Variants in GRK4 observed in about 807,000 individuals in gnomAD.
The protein encoded by GRK4 is G protein-coupled receptor kinase 4.
A neutral mutation model predicts 77.9 loss-of-function variants in GRK4; 73 were observed. The ratio of observed to expected loss-of-function variants is 0.94; its 90% CI spans 0.78 to 1.14. The LOEUF is 1.14. GRK4 is among the 50% of genes most tolerant of loss of function. The pLI is 0.00. For missense variants in GRK4, 729 were observed against 700.2 expected (o/e 1.04, Z -0.46); for synonymous variants, 257 against 254.4 (o/e 1.01, Z -0.10).
intron 1 of GRK4, among the ~76,000 whole-genome samples, chr4:2,967,806 C>T (rs377440015): frequency 6.6e-6 from 1 of 150,512 alleles, no homozygotes; most frequent in African/African-American, 2.4e-5. Context: ...TTTTTTGAGG[C>T]GTCGTTTTGC....
chr4:2,987,472 G>A (rs1578069642), intron 2 of GRK4, among the ~76,000 whole-genome samples: 3 of 152,112 alleles, frequency 2.0e-5, no homozygotes, highest in East Asian at 1.9e-4. Flanking sequence ...TGTACAGTTC[G>A]GTGGCATTGA....
chr4:3,025,774 A>C (rs1475315513), intron 10 of GRK4, among the ~76,000 whole-genome samples: 1 of 152,204 alleles, frequency 6.6e-6, no homozygotes, highest in Non-Finnish European at 1.5e-5. Flanking sequence ...GTGTATCGTA[A>C]GATGTCTAGA....
chr4:3,038,763 C>G, intron 15 of GRK4: 1 of 436,494 alleles, frequency 2.3e-6, no homozygotes, highest in African/African-American at 2.0e-5. Flanking sequence ...CATTTACAAA[C>G]AGGTTCCCGT....
chr4:2,994,133 G>A (rs1259128567), intron 4 of GRK4, among the ~76,000 whole-genome samples: 1 of 152,192 alleles, frequency 6.6e-6, no homozygotes, highest in Admixed American at 6.5e-5. Flanking sequence ...GTTACAACAT[G>A]AGCATATTTG....
intron 12 of GRK4, among the ~76,000 whole-genome samples, 186 bp from the exon 13 acceptor site, chr4:3,035,200 G>A (rs565555426): frequency 1.3e-5 from 2 of 151,662 alleles, no homozygotes; most frequent in East Asian, 1.9e-4. Context: ...AGCCGAGATC[G>A]CACCACTGCA....
chr4:3,005,257 G>A (rs780880341), intron 5 of GRK4, among the ~76,000 whole-genome samples: 2 of 151,890 alleles, frequency 1.3e-5, no homozygotes, highest in African/African-American at 2.4e-5. Context: ...CGGAGGAAAC[G>A]GAGGCCCAGG....
At chr4:2,994,980 G>T (rs1727351459) in intron 4 of GRK4, among the ~76,000 whole-genome samples, 1 of 152,068 alleles carries the variant, frequency 6.6e-6, no homozygotes, top group African/African-American at 2.4e-5. Flanking sequence ...TTCCCTCTGT[G>T]TGTCCATGTG....
chr4:2,973,345 C>T (rs1720139679), intron 1 of GRK4, among the ~76,000 whole-genome samples: 2 of 152,220 alleles, frequency 1.3e-5, no homozygotes, highest in Admixed American at 1.3e-4. Flanking sequence ...TCTATCCACA[C>T]TCATTCCCTT....
intron 12 of GRK4, among the ~76,000 whole-genome samples, chr4:3,030,777 C>T (rs555726704): frequency 6.6e-6 from 1 of 152,298 alleles, no homozygotes; most frequent in African/African-American, 2.4e-5. Context: ...AAGCCCAGGC[C>T]ATGCTGAACC....
chr4:3,019,956 G>T, intron 9 of GRK4, 125 bp downstream of exon 9: 2 of 882,442 alleles, frequency 2.3e-6, no homozygotes, highest in Non-Finnish European at 3.5e-6. Flanking sequence ...GGCCCTCGAT[G>T]GTGATTCTTA....
chr4:2,964,261 A>C, intron 1 of GRK4, 139 bp downstream of exon 1: 1 of 780,870 alleles, frequency 1.3e-6, no homozygotes, highest in Non-Finnish European at 2.1e-6. Flanking sequence ...CACTGGGGGA[A>C]CCCAGATCTG....
rs757312217 is a variant in GRK4 at position 3,014,296 on chromosome 4, C to CTCTCTTT, written c.741+469_741+470insCTCTTTT. ...GAGGATACCTTCTCTCTCTCTCTCT[C>CTCTCTTT]TTTTTTTTTTTTTTTTTTGACACAG... On this transcript the variant is annotated intron_variant, in intron 8 of 15. Transcript: ENST00000398052. Among the ~76,000 whole-genome samples, 729 of 118,946 alleles carry CTCTCTTT rather than the reference C, an allele frequency of 6.1e-3. 11 individuals are homozygous for CTCTCTTT. Among genetic ancestry groups the CTCTCTTT allele is most frequent in the African/African-American group, 0.023 (673 of 29,120 alleles). The allele number at this position is 118,946 out of a possible 152,430, so 78.0% of individuals were successfully genotyped here. A position where few individuals can be genotyped will look rare whatever the true frequency, so the allele number is the denominator to read the frequency against.
intron 6 of GRK4, among the ~76,000 whole-genome samples, chr4:3,009,053 G>A (rs1258390650): frequency 6.6e-6 from 1 of 152,094 alleles, no homozygotes; most frequent in Non-Finnish European, 1.5e-5. Context: ...TCCTAGTGTT[G>A]GCTGGTTTCA....
chr4:3,038,230 G>A (rs1027669311), intron 14 of GRK4, 146 bp from the exon 15 acceptor site: 1 of 827,810 alleles, frequency 1.2e-6, no homozygotes. Context: ...CAGGGAAGGA[G>A]GAACCCAGAA....
Position 3,001,089 on chromosome 4 carries a change from A to ATATATATGTGTGTGTG in GRK4, c.340-3141_340-3140insATATATGTGTGTGTGT. On this transcript the variant is annotated intron_variant, in intron 4 of 15. Coordinates refer to ENST00000398052, the MANE Select transcript of GRK4 (RefSeq NM_182982.3). ...TAAATGAGACTATATATATATATAT[A>ATATATATGTGTGTGTG]TGTGTGTGTGTGTGTGTATATATAT... 1.2e-3 allele frequency among the ~76,000 whole-genome samples: 99 copies of ATATATATGTGTGTGTG among 82,432 alleles called. 14 individuals are homozygous for ATATATATGTGTGTGTG. Among genetic ancestry groups the ATATATATGTGTGTGTG allele is most frequent in the African/African-American group, 4.5e-3 (78 of 17,214 alleles). 54.1% of individuals were successfully genotyped at this position (82,432 alleles called of 152,430 possible). A position where few individuals can be genotyped will look rare whatever the true frequency, so the allele number is the denominator to read the frequency against.
intron 1 of GRK4, among the ~76,000 whole-genome samples, chr4:2,983,286 C>T (rs911667326): frequency 7.9e-5 from 12 of 152,188 alleles, no homozygotes; most frequent in African/African-American, 2.7e-4. Context: ...GTGGCTTTTG[C>T]CCTGGTTTCC....
chr4:3,012,589 C>A (rs1338408365), intron 7 of GRK4, among the ~76,000 whole-genome samples: 1 of 152,160 alleles, frequency 6.6e-6, no homozygotes, highest in African/African-American at 2.4e-5. Context: ...GCTTTTAAAG[C>A]AGTCCCCTGT....
intron 1 of GRK4, among the ~76,000 whole-genome samples, chr4:2,982,719 A>G (rs1723180807): frequency 1.3e-5 from 2 of 152,252 alleles, no homozygotes; most frequent in Non-Finnish European, 2.9e-5. Context: ...TAACCCTGAA[A>G]AAAATAACCC....
chr4:2,974,378 A>G (rs1236487617), intron 1 of GRK4, among the ~76,000 whole-genome samples: 18 of 152,236 alleles, frequency 1.2e-4, no homozygotes, highest in Non-Finnish European at 5.9e-5. Flanking sequence ...GAATGAATGT[A>G]TGAATAGCAG....
Sources: allele counts gnomAD v4.1 joint callset (sites outside exome capture counted in the v4.1 genomes callset), GRCh38; gene constraint gnomAD v4.1.1; transcripts MANE v1.5; gene names NCBI Gene and HGNC (gene_info 2026-07-23, HGNC 2026-07-21).